Variants in PCDHGB5 observed in about 807,000 individuals in gnomAD.
The protein encoded by PCDHGB5 is protocadherin gamma subfamily B, 5.
In PCDHGB5, 48 loss-of-function variants were observed where a neutral mutation model predicts 62.9. The observed-to-expected ratio is 0.76, with a 90% CI of 0.61 to 0.97. The LOEUF is 0.97. PCDHGB5 is among the 50% of genes least tolerant of loss of function. PCDHGB5 has a pLI of 0.00. For synonymous variants in PCDHGB5, 474 were observed against 511.2 expected (o/e 0.93, Z 0.98); for missense variants, 1,118 against 1,198.6 (o/e 0.93, Z 0.99).
intron 1 of PCDHGB5, chr5:141,423,368 C>A: frequency 3.1e-6 from 5 of 1,614,200 alleles, no homozygotes; most frequent in Non-Finnish European, 4.2e-6. Context: ...GTGCTGCTGG[C>A]ACTCAGGCTG....
chr5:141,430,952 C>T, intron 1 of PCDHGB5: 2 of 1,610,382 alleles, frequency 1.2e-6, no homozygotes, highest in Non-Finnish European at 1.7e-6. Flanking sequence ...GCGCGGAGTC[C>T]GCATCATCCC....
chr5:141,399,895 G>A lies in PCDHGB5; in HGVS notation c.1768G>A (p.Val590Met), dbSNP rs570331620. 6.2e-7 allele frequency: 1 copy of A among 1,612,586 alleles called. No homozygotes were observed. The highest frequency in any genetic ancestry group is 1.3e-5 in the African/African-American group (1 of 75,040). Residue 590 changes from valine to methionine, a missense_variant, in exon 1 of 4, where the codon GTG (valine) becomes ATG (methionine). Physicochemically the swap from Val to Met is conservative, Grantham distance 21. Around this residue, in one of 2 missense-constraint regions of PCDHGB5, gnomAD observed 1,034 missense variants for 1,029.1 expected, o/e 1.00. Transcript: ENST00000617380. ...PGYLVTKVVA[V>M]DADSGHNAWL... ...CTACCTGGTGACCAAGGTAGTGGCC[G>A]TGGACGCAGACTCAGGACACAACGC... is the stretch of plus-strand genomic sequence containing the variant.
Position 141,398,027 on chromosome 5 carries a change from T to G in PCDHGB5, c.-101T>G. 6.9e-7 allele frequency: 1 copy of G among 1,449,556 alleles called. No individual in the cohort carries two copies. Among genetic ancestry groups the G allele is most frequent in the Non-Finnish European group, 9.2e-7 (1 of 1,087,014 alleles). 89.8% of individuals were successfully genotyped at this position (1,449,556 alleles called of 1,614,324 possible). On this transcript the variant is annotated 5_prime_UTR_variant, in exon 1 of 4. Transcript: ENST00000617380. Reference sequence around the variant, plus strand: ...AAAGAATCGTTTCCTAAACTGGAACTGGAACTAAAGCCCGTTCGGAGATCC... The same window carrying G: ...AAAGAATCGTTTCCTAAACTGGAACGGGAACTAAAGCCCGTTCGGAGATCC...
chr5:141,503,630 A>G, intron 2 of PCDHGB5, among the ~76,000 whole-genome samples: 1 of 152,088 alleles, frequency 6.6e-6, no homozygotes, highest in Admixed American at 6.6e-5. Flanking sequence ...AAGAAAAGAA[A>G]TAATTATTGA....
At chr5:141,421,522 A>G in intron 1 of PCDHGB5, 1 of 1,614,068 alleles carries the variant, frequency 6.2e-7, no homozygotes, top group Non-Finnish European at 8.5e-7. Context: ...GCTCTGTGAG[A>G]CGGTGTCCTC....
chr5:141,415,419 C>A, intron 1 of PCDHGB5: 1 of 1,614,196 alleles, frequency 6.2e-7, no homozygotes, highest in East Asian at 2.2e-5. Context: ...TGGGCGTGGA[C>A]GGGGTTCGGG....
chr5:141,415,759 T>TG (rs2095937522), intron 1 of PCDHGB5: 3 of 1,352,056 alleles, frequency 2.2e-6, no homozygotes, highest in Non-Finnish European at 2.9e-6. Flanking sequence ...TTTTTTTTTT[T>TG]TTTTTTTTTT....
chr5:141,419,616 AC>A, intron 1 of PCDHGB5: 1 of 1,612,204 alleles, frequency 6.2e-7, no homozygotes, highest in Non-Finnish European at 8.5e-7. Flanking sequence ...CAGCCAGGCT[AC>A]CTGGTGACCA....
Position 141,399,373 on chromosome 5 carries a change from GT to G in PCDHGB5, c.1247del (p.Val416AlafsTer17). 1 of 1,613,982 alleles carries G rather than the reference GT, an allele frequency of 6.2e-7. No homozygotes were observed. On this transcript the variant is annotated frameshift_variant, in exon 1 of 4. Transcript: ENST00000617380. LOFTEE classifies it high-confidence loss of function. The stretch of plus-strand genomic sequence containing the variant: ...CCGAGAGCAAACCCCGGAGTACAAT[GT>G]CACCATCACAGCCACAGACAGGGGC... Reference protein sequence around the residue: ...LDREQTPEYNVTITATDRGKP... With the variant: ...LDREQTPEYNXTITATDRGKP...
intron 1 of PCDHGB5, among the ~76,000 whole-genome samples, chr5:141,407,274 A>G (rs763803896): frequency 2.0e-5 from 3 of 152,232 alleles, no homozygotes; most frequent in Non-Finnish European, 2.9e-5. Context: ...GCAACAAGAA[A>G]ATTGTTACAA....
rs763743728 is a variant in PCDHGB5, at chr5:141,398,890, G to C, written c.763G>C (p.Val255Leu). Residue 255 changes from valine to leucine, a missense_variant, in exon 1 of 4, where the codon GTG becomes CTG. Around this residue, in one of 2 missense-constraint regions of PCDHGB5, gnomAD observed 1,034 missense variants for 1,029.1 expected, o/e 1.00. Coordinates refer to ENST00000617380, the MANE Select transcript of PCDHGB5 (RefSeq NM_018925.3). ...GTACAGAGTCAGCCTTCGGGAAAAC[G>C]TGCCACCAGGCACCACTGTGTTGCA... is the stretch of plus-strand genomic sequence containing the variant. ...DVYRVSLRENVPPGTTVLQVS... is the reference protein window; with the variant it reads ...DVYRVSLRENLPPGTTVLQVS... 2.5e-6 allele frequency: 4 copies of C among 1,613,920 alleles called. No homozygotes were observed. The South Asian group carries it at 3.3e-5, about 13-fold the overall frequency.
At chr5:141,441,655 C>A in intron 1 of PCDHGB5, 1 of 247,430 alleles carries the variant, frequency 4.0e-6, no homozygotes. Context: ...TTCTAGGTGT[C>A]CTTGAGCGCA....
chr5:141,403,634 A>C, intron 1 of PCDHGB5: 1 of 1,613,920 alleles, frequency 6.2e-7, no homozygotes, highest in Non-Finnish European at 8.5e-7. Context: ...CACAGTGCGC[A>C]TCCATGTGAC....
intron 1 of PCDHGB5, chr5:141,413,663 A>T: frequency 6.2e-7 from 1 of 1,613,844 alleles, no homozygotes; most frequent in Non-Finnish European, 8.5e-7. Flanking sequence ...GAAGCTATTG[A>T]TCCGGATGTG....
At chr5:141,494,938 G>A in intron 2 of PCDHGB5, 73 bp downstream of exon 2, 1 of 1,611,916 alleles carries the variant, frequency 6.2e-7, no homozygotes, top group South Asian at 1.1e-5. Context: ...AGGAGATGGG[G>A]GAGGGCCCAG....
intron 1 of PCDHGB5, chr5:141,424,621 T>C (rs560809778): frequency 6.6e-6 from 1 of 152,346 alleles, no homozygotes; most frequent in Non-Finnish European, 1.5e-5. Context: ...TAGAGTAGTT[T>C]GTGAATATAT....
At chr5:141,502,708 A>G (rs1172090234) in intron 2 of PCDHGB5, among the ~76,000 whole-genome samples, 1 of 152,204 alleles carries the variant, frequency 6.6e-6, no homozygotes, top group Non-Finnish European at 1.5e-5. Flanking sequence ...CTGTTTTTAC[A>G]TCAGTGATTA....
intron 3 of PCDHGB5, among the ~76,000 whole-genome samples, chr5:141,506,011 C>T (rs1209221520): frequency 6.6e-6 from 1 of 152,204 alleles, no homozygotes; most frequent in Non-Finnish European, 1.5e-5. Flanking sequence ...TCCTCTTTTG[C>T]TGCCCCTAAC....
intron 1 of PCDHGB5, among the ~76,000 whole-genome samples, chr5:141,451,875 T>C (rs747595781): frequency 5.9e-5 from 9 of 151,594 alleles, no homozygotes; most frequent in Non-Finnish European, 1.3e-4. Context: ...AATGAAACCC[T>C]GTCAAGAAAG....
Sources: allele counts gnomAD v4.1 joint callset (sites outside exome capture counted in the v4.1 genomes callset), GRCh38; gene constraint gnomAD v4.1.1; regional missense constraint gnomAD v4.1.1; transcripts MANE v1.5; gene names NCBI Gene and HGNC (gene_info 2026-07-23, HGNC 2026-07-21).